Variants in LARP1B observed in about 807,000 individuals in gnomAD.
LARP1B encodes la-related protein 1B.
In LARP1B, 76 loss-of-function variants were observed where a neutral mutation model predicts 114.2. The ratio of observed to expected loss-of-function variants is 0.67; its 90% CI spans 0.55 to 0.81. The LOEUF is 0.81. Among genes scored for constraint, LARP1B ranks in the 30% least tolerant of loss-of-function variants. LARP1B has a pLI of 0.00. For synonymous variants in LARP1B, 345 were observed against 348.0 expected, an observed-to-expected ratio of 0.99 and a Z score of 0.10; for missense variants, 1,014 against 1,075.8, an observed-to-expected ratio of 0.94 and a Z score of 0.80.
At chr4:128,220,508 T>C (rs982703995) in intron 7 of LARP1B, 3 of 182,940 alleles carry the variant, frequency 1.6e-5, no homozygotes, top group Non-Finnish European at 3.1e-5. Flanking sequence ...TTATATCAAT[T>C]ACTCTTGCAT....
At chr4:128,172,272 T>A (rs1463678312) in intron 12 of LARP1B, among the ~76,000 whole-genome samples, 1 of 152,192 alleles carries the variant, frequency 6.6e-6, no homozygotes, top group Admixed American at 6.5e-5. Context: ...TTAATTACGA[T>A]TGCTTTGGTG....
At position 128,211,155 on chromosome 4, in the gene LARP1B, T is replaced by A. The variant is rs1758908616; in HGVS notation, c.*1102T>A. On this transcript the variant is annotated 3_prime_UTR_variant, in exon 20 of 20. Coordinates refer to ENST00000326639, the MANE Select transcript of LARP1B (RefSeq NM_018078.4). ...CTGAATTTTTTGAATTGATTTTTAATTATTTTTATTTAGAATATAGTTGAA... is the reference window on the plus strand; with the variant it reads ...CTGAATTTTTTGAATTGATTTTTAAATATTTTTATTTAGAATATAGTTGAA... 1.1e-6 allele frequency: 1 copy of A among 911,704 alleles called. No individual in the cohort carries two copies. Among genetic ancestry groups the A allele is most frequent in the Non-Finnish European group, 1.3e-6 (1 of 762,972 alleles). 56.5% of individuals were successfully genotyped at this position (911,704 alleles called of 1,614,324 possible).
chr4:128,212,603 C>T (rs373413626), downstream of LARP1B, among the ~76,000 whole-genome samples: 5 of 152,066 alleles, frequency 3.3e-5, no homozygotes, highest in South Asian at 2.1e-4. Flanking sequence ...GAGCCGAGTC[C>T]GCACCACTGC....
intron 6 of LARP1B, among the ~76,000 whole-genome samples, chr4:128,217,970 A>G (rs1424392714): frequency 9.8e-6 from 1 of 101,864 alleles, no homozygotes; most frequent in Admixed American, 1.1e-4. Flanking sequence ...ATCAATGTAC[A>G]AAAATCACAA....
At chr4:128,160,430 T>C (rs1737922275) in intron 11 of LARP1B, among the ~76,000 whole-genome samples, 1 of 152,172 alleles carries the variant, frequency 6.6e-6, no homozygotes, top group African/African-American at 2.4e-5. Context: ...AGGAAGCTTC[T>C]AGGGTGCTAA....
intron 2 of LARP1B, 93 bp from the exon 3 acceptor site, chr4:128,074,841 T>C (rs991261208): frequency 1.2e-6 from 1 of 862,920 alleles, no homozygotes; most frequent in Non-Finnish European, 1.8e-6. Context: ...TAAATGATTA[T>C]TTAAAACTCC....
chr4:128,207,693 A>G (rs547539407), intron 19 of LARP1B, among the ~76,000 whole-genome samples: 2 of 152,246 alleles, frequency 1.3e-5, no homozygotes, highest in African/African-American at 4.8e-5. Flanking sequence ...GTCACTAGCA[A>G]TGTGAAAACT....
intron 11 of LARP1B, among the ~76,000 whole-genome samples, chr4:128,140,637 CGTTATAA>C (rs1727590028): frequency 6.6e-6 from 1 of 151,902 alleles, no homozygotes; most frequent in South Asian, 2.1e-4. Flanking sequence ...TACATGAATG[CGTTATAA>C]GTTGCACATG....
intron 5 of LARP1B, among the ~76,000 whole-genome samples, chr4:128,083,838 G>A (rs1469348112): frequency 2.0e-5 from 3 of 151,128 alleles, no homozygotes; most frequent in East Asian, 4.0e-4. Context: ...GGCGGCTGCC[G>A]GGCGGAGACG....
At chr4:128,197,317 C>A (rs1026443013) in intron 15 of LARP1B, among the ~76,000 whole-genome samples, 9 of 152,250 alleles carry the variant, frequency 5.9e-5, no homozygotes, top group African/African-American at 2.2e-4. Flanking sequence ...GTGACAAATA[C>A]AAGATTTCCA....
Position 128,178,510 on chromosome 4 carries a change from AG to A in LARP1B, c.1765del (p.Ala589GlnfsTer43). 3 of 1,614,072 alleles carry A rather than the reference AG, an allele frequency of 1.9e-6. No homozygotes were observed. Among genetic ancestry groups the A allele is most frequent in the Non-Finnish European group, 2.5e-6 (3 of 1,179,936 alleles). On this transcript the variant is annotated frameshift_variant, in exon 14 of 20. Coordinates refer to ENST00000326639, the MANE Select transcript of LARP1B (RefSeq NM_018078.4). LOFTEE classifies it high-confidence loss of function. ...CAGCAATGGTTCATTCGTTGCCTAC[AG>A]CAGTTCCAGAATCTCCTAGAATTCA... ...SAAMVHSLPTAVPESPRIHPT... is the reference protein window; with the variant it reads ...SAAMVHSLPTXVPESPRIHPT...
Position 128,140,351 on chromosome 4 carries a change from A to C in LARP1B, c.1524+18163A>C, listed in dbSNP as rs1727460130. Among the ~76,000 whole-genome samples, 3 of 152,234 alleles carry C rather than the reference A, an allele frequency of 2.0e-5. No individual in the cohort carries two copies. In the South Asian group the frequency reaches 6.2e-4, roughly 31 times the overall value. Reference sequence around the variant, plus strand: ...GAAAAGTAGCTATATAGTAGAGAAAAAAATGATTGCCATACACATCTTTAT... The same window carrying C: ...GAAAAGTAGCTATATAGTAGAGAAACAAATGATTGCCATACACATCTTTAT... On this transcript the variant is annotated intron_variant, in intron 11 of 19. Transcript: ENST00000326639.
chr4:128,112,090 A>G (rs1238146222), intron 9 of LARP1B, among the ~76,000 whole-genome samples: 1 of 152,134 alleles, frequency 6.6e-6, no homozygotes, highest in Non-Finnish European at 1.5e-5. Context: ...TAGACAATTA[A>G]TGTTCATCCA....
chr4:128,175,614 TCA>T (rs985185657), intron 12 of LARP1B, among the ~76,000 whole-genome samples: 1 of 152,190 alleles, frequency 6.6e-6, no homozygotes, highest in Non-Finnish European at 1.5e-5. Context: ...TTCTTTTTAT[TCA>T]GTTTATTGGT....
intron 12 of LARP1B, among the ~76,000 whole-genome samples, chr4:128,170,192 A>G (rs1742963375): frequency 6.6e-6 from 1 of 152,138 alleles, no homozygotes; most frequent in African/African-American, 2.4e-5. Context: ...ACATTATTTT[A>G]AAATTTAAAA....
At position 128,114,708 on chromosome 4, in the gene LARP1B, A is replaced by G; in HGVS notation, c.1127A>G (p.Lys376Arg). ...GACTCAGAACCTTGGATAGAAGTTA[A>G]AAAAAGACATCAGCCAGCCCCAGTG... ...DLDSEPWIEV[K>R]KRHQPAPVKL... Residue 376 changes from lysine to arginine, a missense_variant, in exon 10 of 20, where the codon AAA becomes AGA. Lys to Arg is a conservative substitution (Grantham distance 26, BLOSUM62 2). Transcript: ENST00000326639. 1 of 1,614,142 alleles carries G rather than the reference A, an allele frequency of 6.2e-7. No homozygotes were observed. The highest frequency in any genetic ancestry group is 1.3e-5 in the African/African-American group (1 of 75,048).
At chr4:128,162,153 G>C in intron 11 of LARP1B, 41 bp from the exon 12 acceptor site, 1 of 1,599,580 alleles carries the variant, frequency 6.3e-7, no homozygotes, top group Non-Finnish European at 8.5e-7. Context: ...TGGTTACTCT[G>C]TTAGCCAGTT....
chr4:128,212,656 C>CA (rs1397388314), downstream of LARP1B, among the ~76,000 whole-genome samples: 2 of 151,770 alleles, frequency 1.3e-5, no homozygotes, highest in Admixed American at 1.3e-4. Context: ...CTCAAAAAAA[C>CA]AAAAACAAAA....
intron 9 of LARP1B, chr4:128,107,635 G>T: frequency 7.1e-7 from 1 of 1,414,144 alleles, no homozygotes; most frequent in Non-Finnish European, 9.2e-7. Flanking sequence ...AATTGGAATA[G>T]TATGATTGGA....
Sources: gnomAD v4.1 joint callset for allele counts (sites outside exome capture counted in the v4.1 genomes callset) on GRCh38, gnomAD v4.1.1 for gene constraint, MANE v1.5 for transcripts, NCBI Gene and HGNC (gene_info 2026-07-23, HGNC 2026-07-21) for gene names.